The following SLC11A2 variants were observed in gnomAD, a reference collection of about 807,000 sequenced individuals.
SLC11A2 encodes the protein natural resistance-associated macrophage protein 2.
Under a neutral mutation model 68.0 loss-of-function variants are expected in SLC11A2, and 38 were observed. The ratio of observed to expected loss-of-function variants is 0.56; its 90% CI spans 0.43 to 0.73. The LOEUF (loss-of-function observed/expected upper bound fraction) is 0.73, where lower values mean the gene tolerates loss of function less well. Ranked by LOEUF, SLC11A2 falls within the 30% of genes least tolerant of loss-of-function variation. SLC11A2 has a pLI of 0.00. For synonymous variants in SLC11A2, 242 were observed against 250.6 expected (o/e 0.97, Z 0.32); for missense variants, 517 against 690.5 (o/e 0.75, Z 2.82).
downstream of SLC11A2, among the ~76,000 whole-genome samples, chr12:50,974,478 T>A (rs1939822912): frequency 1.3e-5 from 2 of 152,042 alleles, no homozygotes; most frequent in South Asian, 4.2e-4. Context: ...CTACAAGAAC[T>A]CCTGAAGGAA....
chr12:50,973,670 T>G, the SLC11A2 span, among the ~76,000 whole-genome samples: 1 of 152,276 alleles, frequency 6.6e-6, no homozygotes, highest in South Asian at 2.1e-4. Context: ...AGAAGAAGGC[T>G]ACAGATGATC....
chr12:51,027,915 AG>A (rs1231528987), upstream of SLC11A2, among the ~76,000 whole-genome samples: 17 of 136,516 alleles, frequency 1.2e-4, no homozygotes, highest in East Asian at 3.3e-3. Flanking sequence ...ACCAAAAAAA[AG>A]TGGGGGGGGG....
At chr12:50,961,019 A>G in the SLC11A2 span, 1 of 1,611,694 alleles carries the variant, frequency 6.2e-7, no homozygotes, top group African/African-American at 1.3e-5. Flanking sequence ...AAGCTAAAGT[A>G]CAGAAGAGAT....
the SLC11A2 span, among the ~76,000 whole-genome samples, chr12:50,962,095 G>C: frequency 6.6e-6 from 1 of 152,160 alleles, no homozygotes; most frequent in Non-Finnish European, 1.5e-5. Context: ...GACAGAAATA[G>C]CACAGGCTGG....
rs1454175641 is a variant in SLC11A2, at chr12:50,987,406, T to C, written c.*919A>G. 5 of 1,287,082 alleles carry C rather than the reference T, an allele frequency of 3.9e-6. No homozygotes were observed. The highest frequency in any genetic ancestry group is 5.5e-5 in the East Asian group (1 of 18,038). 79.7% of individuals were successfully genotyped at this position (1,287,082 alleles called of 1,614,324 possible). A position where few individuals can be genotyped will look rare whatever the true frequency, so the allele number is the denominator to read the frequency against. On this transcript the variant is annotated 3_prime_UTR_variant, in exon 16 of 16. Transcript: ENST00000262052. The stretch of plus-strand genomic sequence containing the variant: ...CTGAGAGGTGGCTTTAGGAACAAAA[T>C]AGATGGCTCTCCTCCCTTAAAGTCT...
chr12:50,995,267 C>G (rs550928692), intron 10 of SLC11A2, among the ~76,000 whole-genome samples: 1 of 152,246 alleles, frequency 6.6e-6, no homozygotes, highest in African/African-American at 2.4e-5. Flanking sequence ...CAAGACTGTG[C>G]CACTGCACTC....
the SLC11A2 span, among the ~76,000 whole-genome samples, chr12:50,973,680 C>T: frequency 2.6e-5 from 4 of 152,132 alleles, no homozygotes; most frequent in East Asian, 1.9e-4. Context: ...TACAGATGAT[C>T]GAATTTCTCC....
intron 6 of SLC11A2, among the ~76,000 whole-genome samples, chr12:51,000,068 C>A (rs2136241022): frequency 6.6e-6 from 1 of 151,982 alleles, no homozygotes; most frequent in African/African-American, 2.4e-5. Flanking sequence ...AAATGACATA[C>A]AAATCAATAA....
downstream of SLC11A2, among the ~76,000 whole-genome samples, chr12:50,975,207 G>A (rs750390341): frequency 3.8e-4 from 58 of 152,048 alleles, no homozygotes; most frequent in Non-Finnish European, 4.4e-4. Flanking sequence ...GCACCACACT[G>A]CACTTACTCC....
At chr12:51,024,014 T>G (rs1459967187) in intron 1 of SLC11A2, among the ~76,000 whole-genome samples, 1 of 152,142 alleles carries the variant, frequency 6.6e-6, no homozygotes, top group South Asian at 2.1e-4. Flanking sequence ...GGGGAAGTCT[T>G]GAACTCTCTT....
chr12:50,984,816 A>C (rs987716007), downstream of SLC11A2, among the ~76,000 whole-genome samples: 4 of 152,198 alleles, frequency 2.6e-5, no homozygotes, highest in Non-Finnish European at 5.9e-5. Context: ...TTCTAGCACT[A>C]ATCAGAGTAT....
intron 1 of SLC11A2, among the ~76,000 whole-genome samples, chr12:51,023,635 A>G (rs2136427078): frequency 6.6e-6 from 1 of 152,284 alleles, no homozygotes; most frequent in East Asian, 1.9e-4. Context: ...TTCTGCCTCA[A>G]ACACACTCAG....
chr12:50,980,168 G>A (rs1214311557), downstream of SLC11A2: 1 of 354,248 alleles, frequency 2.8e-6, no homozygotes, highest in Non-Finnish European at 5.5e-6. Flanking sequence ...AGAAGTTGCA[G>A]TGAGCTGAGA....
intron 11 of SLC11A2, among the ~76,000 whole-genome samples, chr12:50,993,862 G>A (rs1941428296): frequency 6.6e-6 from 1 of 151,368 alleles, no homozygotes; most frequent in Admixed American, 6.6e-5. Flanking sequence ...GCATGGTGGT[G>A]CTTGCCTGCA....
chr12:51,009,127 G>A lies in SLC11A2; in HGVS notation c.35-503C>T, dbSNP rs781169969. 4.6e-5 allele frequency: 70 copies of A among 1,515,642 alleles called. No homozygotes were observed. The East Asian group carries it at 8.9e-4, about 19-fold the overall frequency. The allele number at this position is 1,515,642 out of a possible 1,614,324, so 93.9% of individuals were successfully genotyped here. A position where few individuals can be genotyped will look rare whatever the true frequency, so the allele number is the denominator to read the frequency against. On this transcript the variant is annotated intron_variant, in intron 2 of 15. Transcript: ENST00000262052. ...TTTGGTAGGACTTACTCAAATAATC[G>A]ACCGTGGACATTATACCTCCATCAG...
intron 1 of SLC11A2, among the ~76,000 whole-genome samples, chr12:51,018,261 T>C (rs1447679935): frequency 6.6e-6 from 1 of 151,844 alleles, no homozygotes; most frequent in African/African-American, 2.4e-5. Flanking sequence ...CGGGCGTGGT[T>C]GTGGGTGCCT....
chr12:51,011,949 G>T (rs900019856), intron 1 of SLC11A2, among the ~76,000 whole-genome samples: 2 of 152,110 alleles, frequency 1.3e-5, no homozygotes, highest in African/African-American at 2.4e-5. Context: ...TCTAGAAAGG[G>T]TAGGAAAAAG....
downstream of SLC11A2, among the ~76,000 whole-genome samples, chr12:50,985,795 G>C (rs1323805693): frequency 1.3e-5 from 2 of 152,008 alleles, no homozygotes; most frequent in East Asian, 3.8e-4. Context: ...TAATATCCTG[G>C]TATCTGCAAT....
At chr12:50,985,609 A>G (rs569984336), downstream of SLC11A2, among the ~76,000 whole-genome samples, 6 of 152,306 alleles carry the variant, frequency 3.9e-5, no homozygotes, top group South Asian at 1.2e-3. Context: ...TTCAAATACT[A>G]ATTTTTCATT....
Sources: gnomAD v4.1 joint callset for allele counts (sites outside exome capture counted in the v4.1 genomes callset) on GRCh38, gnomAD v4.1.1 for gene constraint, MANE v1.5 for transcripts, NCBI Gene and HGNC (gene_info 2026-07-23, HGNC 2026-07-21) for gene names.